Variants in AGA observed in about 807,000 individuals in gnomAD.
AGA encodes the protein aspartylglucosaminidase, also known as N(4)-(beta-N-acetylglucosaminyl)-L-asparaginase.
A neutral mutation model predicts 40.1 loss-of-function variants in AGA; 31 were observed. The ratio of observed to expected loss-of-function variants is 0.77; its 90% CI spans 0.58 to 1.04. The LOEUF (loss-of-function observed/expected upper bound fraction) is 1.04, where lower values mean the gene tolerates loss of function less well. Ranked by LOEUF, AGA falls within the 50% of genes least tolerant of loss-of-function variation. The probability of loss-of-function intolerance (pLI) is 0.00; values close to 1 mark genes in which losing one functional copy is unlikely to be tolerated. For synonymous variants in AGA, 148 were observed against 144.0 expected, an observed-to-expected ratio of 1.03 and a Z score of -0.20; for missense variants, 445 against 435.4, an observed-to-expected ratio of 1.02 and a Z score of -0.20.
intron 7 of AGA, among the ~76,000 whole-genome samples, chr4:177,433,634 A>T (rs924224155): frequency 6.6e-6 from 1 of 152,242 alleles, no homozygotes; most frequent in East Asian, 1.9e-4. Flanking sequence ...TGTAATGGCC[A>T]GAACTCAAAA....
At position 177,442,310 on chromosome 4, in the gene AGA, G is replaced by C. The variant is rs1189877746; in HGVS notation, c.66C>G (p.Arg22=). 1 of 1,614,150 alleles carries C rather than the reference G, an allele frequency of 6.2e-7. No homozygotes were observed. The highest frequency in any genetic ancestry group is 8.5e-7 in the Non-Finnish European group (1 of 1,179,966). ...CGACCAGGGGCAGAGGGCTGGAGCA[G>C]CGCACTAGGGCCTGGCAGAGCAGAA... The part of the protein sequence containing the change: ...VPFLLCQALV[R]CSSPLPLVVN... The change falls in exon 1 of 9, where the codon CGC becomes CGG. Residue 22 remains arginine, a synonymous_variant. Transcript: ENST00000264595.
chr4:177,431,157 T>C lies in AGA; in HGVS notation c.*551A>G. ...ATTGCTCATCAGAAGATAGCTGTAT[T>C]TTCTAGTATGTACAAAACAAAGAGT... On this transcript the variant is annotated 3_prime_UTR_variant, in exon 9 of 9. Coordinates refer to ENST00000264595, the MANE Select transcript of AGA (RefSeq NM_000027.4). 2.3e-6 allele frequency: 1 copy of C among 441,404 alleles called. No individual in the cohort carries two copies. Among genetic ancestry groups the C allele is most frequent in the South Asian group, 1.6e-5 (1 of 61,784 alleles). The allele number at this position is 441,404 out of a possible 1,614,324, so 27.3% of individuals were successfully genotyped here.
chr4:177,433,615 A>G (rs1204908107), intron 7 of AGA, among the ~76,000 whole-genome samples: 2 of 152,232 alleles, frequency 1.3e-5, no homozygotes, highest in Non-Finnish European at 2.9e-5. Flanking sequence ...AATGATACCG[A>G]CAGTCAAATG....
rs550494612 is a variant in AGA, at chr4:177,433,692, G to C, written c.807-345C>G. Reference sequence around the variant, plus strand: ...AAAACAGCTACAATCAAAGGGGAAAGTAGTGTGCATGGGCACAACATCTAG... The same window carrying C: ...AAAACAGCTACAATCAAAGGGGAAACTAGTGTGCATGGGCACAACATCTAG... On this transcript the variant is annotated intron_variant, in intron 7 of 8. Coordinates refer to ENST00000264595, the MANE Select transcript of AGA (RefSeq NM_000027.4). Among the ~76,000 whole-genome samples the C allele has an allele frequency of 2.6e-5, 4 of 152,354 alleles. 1 individual carries two copies. The South Asian group carries it at 8.3e-4, about 32-fold the overall frequency.
At chr4:177,432,426 G>A (rs1469987352) in intron 8 of AGA, among the ~76,000 whole-genome samples, 1 of 152,094 alleles carries the variant, frequency 6.6e-6, no homozygotes, top group Non-Finnish European at 1.5e-5. Context: ...TATTTCTTAA[G>A]AGGGAATCAA....
At chr4:177,433,143 A>C in intron 8 of AGA, 71 bp downstream of exon 8, 1 of 1,598,848 alleles carries the variant, frequency 6.3e-7, no homozygotes, top group Non-Finnish European at 8.6e-7. Flanking sequence ...TGTACAAAAC[A>C]ATATTTAAAA....
intron 5 of AGA, 45 bp downstream of exon 5, chr4:177,437,360 A>AT (rs775520402): frequency 1.5e-6 from 2 of 1,323,230 alleles, no homozygotes; most frequent in Non-Finnish European, 2.2e-6. Flanking sequence ...CAGGAAGATA[A>AT]TTAACTAAAC....
chr4:177,437,309 CA>C lies in AGA; in HGVS notation c.622+95del. 3.5e-6 allele frequency: 3 copies of C among 869,130 alleles called. No individual in the cohort carries two copies. In the South Asian group the frequency reaches 4.2e-5, roughly 12 times the overall value. 53.8% of individuals were successfully genotyped at this position (869,130 alleles called of 1,614,324 possible). ...AGGCACACTTAATTGGCAGTTAAAACAATCAAAATCAACTTCTGGTAGAAGA... is the reference window on the plus strand; with the variant it reads ...AGGCACACTTAATTGGCAGTTAAAACATCAAAATCAACTTCTGGTAGAAGA... On this transcript the variant is annotated intron_variant, in intron 5 of 8. Transcript: ENST00000264595.
intron 6 of AGA, 95 bp downstream of exon 6, chr4:177,436,181 A>T (rs1467993359): frequency 1.0e-5 from 10 of 995,516 alleles, no homozygotes; most frequent in South Asian, 1.3e-5. Flanking sequence ...CAGCTGTGAG[A>T]CTAGGGCTGT....
At chr4:177,434,876 G>A (rs1391487241) in intron 6 of AGA, among the ~76,000 whole-genome samples, 1 of 151,130 alleles carries the variant, frequency 6.6e-6, no homozygotes, top group Admixed American at 6.6e-5. Flanking sequence ...AATAACAATA[G>A]AGTGCACATT....
At chr4:177,432,986 A>G (rs1736677121) in intron 8 of AGA, among the ~76,000 whole-genome samples, 1 of 152,192 alleles carries the variant, frequency 6.6e-6, no homozygotes, top group African/African-American at 2.4e-5. Context: ...GATAAGAACT[A>G]CTAGTCAGAG....
intron 3 of AGA, 71 bp from the exon 4 acceptor site, chr4:177,438,928 A>G: frequency 2.2e-6 from 2 of 907,436 alleles, no homozygotes; most frequent in Non-Finnish European, 3.6e-6. Context: ...TATGTACTAG[A>G]GACATTCTGG....
At chr4:177,438,896 T>C in intron 3 of AGA, 39 bp from the exon 4 acceptor site, 1 of 1,297,910 alleles carries the variant, frequency 7.7e-7, no homozygotes, top group Non-Finnish European at 1.1e-6. Context: ...ATTATTCAAG[T>C]ATTGTCTTTT....
At position 177,435,573 on chromosome 4, in the gene AGA, T is replaced by C. The variant is rs77286520; in HGVS notation, c.698+703A>G. 7.8e-3 allele frequency among the ~76,000 whole-genome samples: 1,182 copies of C among 152,318 alleles called. 26 individuals carry two copies. The highest frequency in any genetic ancestry group is 0.043 in the Admixed American group (664 of 15,300). On this transcript the variant is annotated intron_variant, in intron 6 of 8. Coordinates refer to ENST00000264595, the MANE Select transcript of AGA (RefSeq NM_000027.4). ...TACCAGATTTTTTTCTAGTAAGAAA[T>C]GTTTAATGCTTTTCTATTTCAAAAT... is the stretch of plus-strand genomic sequence containing the variant.
In AGA at chr4:177,438,807, T is replaced by C; in HGVS notation, c.445A>G (p.Thr149Ala). The C allele has an allele frequency of 1.2e-6, 2 of 1,611,218 alleles. No individual in the cohort carries two copies. The highest frequency in any genetic ancestry group is 1.7e-6 in the Non-Finnish European group (2 of 1,177,320). Residue 149 changes from threonine (T) to alanine (A), a missense_variant, in exon 4 of 9, where the codon ACT becomes GCT. By Grantham distance (58) the Thr-to-Ala change is moderately conservative (BLOSUM62 0). Transcript: ENST00000264595. ...TCTGAATGAAGAGCTTGAGAAGCAG[T>C]GGTAGATAAGTCTTCATTGATAAAC... ...MGFINEDLST[T>A]ASQALHSDWL...
At chr4:177,441,484 C>T (rs1333175845) in intron 1 of AGA, among the ~76,000 whole-genome samples, 5 of 152,040 alleles carry the variant, frequency 3.3e-5, no homozygotes, top group Non-Finnish European at 7.4e-5. Context: ...GATAATGGTA[C>T]GTAAAGGCTA....
rs1264111124 is a variant in AGA, at chr4:177,438,774, C to A, written c.478G>T (p.Ala160Ser). ...ASQALHSDWL[A>S]RNCQPNYWRN... ...CAATAATTTGGCTGGCAATTCCGAGCAAGCCAATCTGAATGAAGAGCTTGA... is the reference window on the plus strand; with the variant it reads ...CAATAATTTGGCTGGCAATTCCGAGAAAGCCAATCTGAATGAAGAGCTTGA... The change falls in exon 4 of 9, where the codon GCT (alanine) becomes TCT (serine). Residue 160 changes from alanine to serine, a missense_variant. By Grantham distance (99) the Ala-to-Ser change is moderately conservative (BLOSUM62 1). Transcript: ENST00000264595. 1.2e-6 allele frequency: 2 copies of A among 1,608,504 alleles called. No homozygotes were observed. The highest frequency in any genetic ancestry group is 1.7e-6 in the Non-Finnish European group (2 of 1,174,950).
At chr4:177,436,013 C>CA (rs1275037846) in intron 6 of AGA, among the ~76,000 whole-genome samples, 1 of 152,168 alleles carries the variant, frequency 6.6e-6, no homozygotes, top group African/African-American at 2.4e-5. Context: ...TACCATGACT[C>CA]AGGGCTGAGC....
chr4:177,436,318 G>A lies in AGA; in HGVS notation c.656C>T (p.Ala219Val). Residue 219 changes from alanine to valine, a missense_variant, in exon 6 of 9, where the codon GCT (alanine) becomes GTT (valine). Ala to Val is a moderately conservative substitution (Grantham distance 64). Transcript: ENST00000264595. The stretch of plus-strand genomic sequence containing the variant: ...TATACCATTTGTAGATGTACCAGCA[G>A]CAATATGTCCTGTCTTATGGATTAC... The part of the protein sequence containing the change: ...MVVIHKTGHI[A>V]AGTSTNGIKF... 6.2e-7 allele frequency: 1 copy of A among 1,613,234 alleles called. No homozygotes were observed. Among genetic ancestry groups the A allele is most frequent in the Non-Finnish European group, 8.5e-7 (1 of 1,179,668 alleles).
Sources: gnomAD v4.1 joint callset for allele counts (sites outside exome capture counted in the v4.1 genomes callset) on GRCh38, gnomAD v4.1.1 for gene constraint, MANE v1.5 for transcripts, NCBI Gene and HGNC (gene_info 2026-07-23, HGNC 2026-07-21) for gene names.